SPPL2A: variants seen among roughly 807,000 people sequenced by gnomAD.
SPPL2A encodes the protein signal peptide peptidase-like 2A.
SPPL2A carries 51 observed loss-of-function variants against 63.8 expected under a neutral mutation model. That is an observed-to-expected ratio of 0.80 (90% CI 0.64 to 1.01). The LOEUF is 1.01. Ranked by LOEUF, SPPL2A falls within the 50% of genes least tolerant of loss-of-function variation. The pLI is 0.00. For missense variants in SPPL2A, 553 were observed against 622.7 expected, an observed-to-expected ratio of 0.89 and a Z score of 1.19; for synonymous variants, 188 against 205.8, an observed-to-expected ratio of 0.91 and a Z score of 0.74.
chr15:50,712,622 A>C (rs893814553), intron 14 of SPPL2A, among the ~76,000 whole-genome samples: 1 of 144,944 alleles, frequency 6.9e-6, no homozygotes, highest in African/African-American at 2.6e-5. Context: ...ACCCACCACT[A>C]TGGATTTCCT....
In SPPL2A at chr15:50,725,215, G is replaced by T; in HGVS notation, c.1249+6C>A. 6.9e-7 allele frequency: 1 copy of T among 1,455,598 alleles called. No individual in the cohort carries two copies. The highest frequency in any genetic ancestry group is 9.5e-7 in the Non-Finnish European group (1 of 1,047,820). 90.2% of individuals were successfully genotyped at this position (1,455,598 alleles called of 1,614,324 possible). ...TTTTTTAACTAAAATTGTTACAATT[G>T]CTTACCTGGTACAATAATGTCTCCA... On this transcript the variant is annotated splice_donor_region_variant and intron_variant, in intron 12 of 14. Coordinates refer to ENST00000261854, the MANE Select transcript of SPPL2A (RefSeq NM_032802.4).
chr15:50,716,677 C>T (rs188059835), intron 14 of SPPL2A, among the ~76,000 whole-genome samples: 1 of 152,268 alleles, frequency 6.6e-6, no homozygotes, highest in South Asian at 2.1e-4. Flanking sequence ...GATTTAATGT[C>T]AACTCACAAT....
intron 6 of SPPL2A, among the ~76,000 whole-genome samples, chr15:50,738,983 G>A (rs973323376): frequency 6.6e-6 from 1 of 151,956 alleles, no homozygotes; most frequent in Non-Finnish European, 1.5e-5. Context: ...GGAGTAAGTA[G>A]AGGCAATACA....
intron 1 of SPPL2A, 148 bp downstream of exon 1, chr15:50,765,320 G>A: frequency 1.9e-6 from 1 of 530,408 alleles, no homozygotes. Flanking sequence ...GTAATGGAAA[G>A]AGGAGGGGAG....
intron 8 of SPPL2A, among the ~76,000 whole-genome samples, chr15:50,734,179 G>A (rs1484356613): frequency 1.3e-5 from 2 of 152,158 alleles, no homozygotes; most frequent in Non-Finnish European, 2.9e-5. Flanking sequence ...GTATATCAAA[G>A]AGATACCTGA....
intron 14 of SPPL2A, among the ~76,000 whole-genome samples, chr15:50,718,025 G>A (rs1175104345): frequency 7.5e-6 from 1 of 133,510 alleles, no homozygotes; most frequent in African/African-American, 2.9e-5. Flanking sequence ...AGGCTGGAGT[G>A]CAGTGGCACG....
chr15:50,740,282 C>T (rs1596389575), intron 5 of SPPL2A, among the ~76,000 whole-genome samples: 1 of 151,624 alleles, frequency 6.6e-6, no homozygotes, highest in Non-Finnish European at 1.5e-5. Context: ...CAAAAATTAG[C>T]CGGGTGTGGT....
chr15:50,749,563 G>A (rs1365994912), intron 2 of SPPL2A, 73 bp downstream of exon 2: 12 of 981,594 alleles, frequency 1.2e-5, no homozygotes, highest in Non-Finnish European at 1.3e-5. Flanking sequence ...TGGGATTACA[G>A]GCATGAGCCA....
At chr15:50,717,564 T>C (rs2062607388) in intron 14 of SPPL2A, among the ~76,000 whole-genome samples, 1 of 152,210 alleles carries the variant, frequency 6.6e-6, no homozygotes, top group Admixed American at 6.5e-5. Context: ...CAGTGCTTAG[T>C]ATAGAGTCCA....
chr15:50,725,936 T>A (rs1226375072), intron 11 of SPPL2A: 2 of 377,948 alleles, frequency 5.3e-6, no homozygotes, highest in African/African-American at 4.2e-5. Flanking sequence ...AGGATAGAAC[T>A]CAGGCCTTGA....
chr15:50,726,443 G>C (rs1296049715), intron 10 of SPPL2A, 66 bp from the exon 11 acceptor site: 2 of 1,456,682 alleles, frequency 1.4e-6, no homozygotes, highest in African/African-American at 2.8e-5. Context: ...CTATTCAAGT[G>C]TGATTTAAGC....
At chr15:50,720,260 T>C (rs2062634431) in intron 13 of SPPL2A, among the ~76,000 whole-genome samples, 160 bp from the exon 14 acceptor site, 1 of 151,040 alleles carries the variant, frequency 6.6e-6, no homozygotes. Context: ...TTAGGAGACA[T>C]CTTCTATGGA....
chr15:50,721,842 A>C (rs1256355728), intron 13 of SPPL2A, among the ~76,000 whole-genome samples: 1 of 151,664 alleles, frequency 6.6e-6, no homozygotes, highest in Non-Finnish European at 1.5e-5. Context: ...TCTTGCCCTT[A>C]TGATCTGCCT....
chr15:50,718,017 G>C (rs2062611992), intron 14 of SPPL2A, among the ~76,000 whole-genome samples: 1 of 136,480 alleles, frequency 7.3e-6, no homozygotes, highest in Non-Finnish European at 1.5e-5. Flanking sequence ...TGTCCCCCAG[G>C]CTGGAGTGCA....
At position 50,705,850 on chromosome 15, in the gene SPPL2A, T is replaced by C. The variant is rs570828015; in HGVS notation, c.*1950A>G. 2 of 152,310 alleles carry C rather than the reference T, an allele frequency of 1.3e-5. No individual in the cohort carries two copies. The highest frequency in any genetic ancestry group is 4.1e-4 in the South Asian group (2 of 4,826). The allele number at this position is 152,310 out of a possible 1,614,324, so 9.4% of individuals were successfully genotyped here. A position where few individuals can be genotyped will look rare whatever the true frequency, so the allele number is the denominator to read the frequency against. ...TTGAACTGGCCTTAGATGAAAGATA[T>C]AGTTCTGTTCACATATTTTATACAT... On this transcript the variant is annotated 3_prime_UTR_variant, in exon 15 of 15. Coordinates refer to ENST00000261854, the MANE Select transcript of SPPL2A (RefSeq NM_032802.4).
chr15:50,749,519 C>T (rs945219700), intron 2 of SPPL2A, 117 bp downstream of exon 2: 2 of 698,890 alleles, frequency 2.9e-6, no homozygotes, highest in Non-Finnish European at 5.2e-6. Context: ...ATCTCCTGAC[C>T]TCATGATCCG....
chr15:50,729,651 T>C (rs1414624746), intron 10 of SPPL2A, among the ~76,000 whole-genome samples: 1 of 151,954 alleles, frequency 6.6e-6, no homozygotes, highest in Non-Finnish European at 1.5e-5. Context: ...AAAAAAGGTT[T>C]GTGTCTCAAA....
Position 50,704,807 on chromosome 15 carries a change from G to A in SPPL2A, c.*2993C>T, listed in dbSNP as rs2062497410. On this transcript the variant is annotated 3_prime_UTR_variant, in exon 15 of 15. Coordinates refer to ENST00000261854, the MANE Select transcript of SPPL2A (RefSeq NM_032802.4). ...ACAATATAAAGTTGACATTGAGGAT[G>A]AAGAAACTTAATTATACTTTTTCTT... is the stretch of plus-strand genomic sequence containing the variant. 6.6e-6 allele frequency: 1 copy of A among 152,138 alleles called. No homozygotes were observed. Among genetic ancestry groups the A allele is most frequent in the Non-Finnish European group, 1.5e-5 (1 of 68,026 alleles). 9.4% of individuals were successfully genotyped at this position (152,138 alleles called of 1,614,324 possible).
At chr15:50,722,886 G>T (rs944951471) in intron 12 of SPPL2A, among the ~76,000 whole-genome samples, 7 of 152,154 alleles carry the variant, frequency 4.6e-5, no homozygotes, top group African/African-American at 1.7e-4. Context: ...TGAAATGGGA[G>T]AAAATATTTG....
Sources: gnomAD v4.1 joint callset for allele counts (sites outside exome capture counted in the v4.1 genomes callset) on GRCh38, gnomAD v4.1.1 for gene constraint, MANE v1.5 for transcripts, NCBI Gene and HGNC (gene_info 2026-07-23, HGNC 2026-07-21) for gene names.